The following CADM2 variants were observed in gnomAD, a reference collection of about 807,000 sequenced individuals.
The protein encoded by CADM2 is immunoglobulin superfamily member 4D.
A neutral mutation model predicts 49.8 loss-of-function variants in CADM2; 12 were observed. The observed-to-expected ratio is 0.24, with a 90% CI of 0.15 to 0.39. The LOEUF (loss-of-function observed/expected upper bound fraction) is 0.39. Among genes scored for constraint, CADM2 ranks in the 10% least tolerant of loss-of-function variants. The probability of loss-of-function intolerance (pLI) is 1.00; values close to 1 mark genes in which losing one functional copy is unlikely to be tolerated. For missense variants in CADM2, 378 were observed against 492.3 expected, an observed-to-expected ratio of 0.77 and a Z score of 2.20; for synonymous variants, 214 against 175.4, an observed-to-expected ratio of 1.22 and a Z score of -1.74.
In CADM2 at chr3:85,512,716, C is replaced by G. The variant is rs574815922; in HGVS notation, c.62-213806C>G. ...AGTGATTTTCAAATACAAAAAGATA[C>G]TTCATATACACATTGATTTTAAAGA... On this transcript the variant is annotated intron_variant, in intron 1 of 9. Coordinates refer to ENST00000383699, the MANE Select transcript of CADM2 (RefSeq NM_001167675.2). Among the ~76,000 whole-genome samples, 266 of 151,950 alleles carry G rather than the reference C, an allele frequency of 1.8e-3. 1 individual carries two copies. The highest frequency in any genetic ancestry group is 3.3e-3 in the Non-Finnish European group (226 of 67,882).
intron 1 of CADM2, among the ~76,000 whole-genome samples, chr3:85,249,008 T>C (rs1488333568): frequency 1.3e-5 from 2 of 152,166 alleles, no homozygotes; most frequent in East Asian, 3.8e-4. Context: ...TTATCATCTG[T>C]AGGATACTTG....
At chr3:85,290,529 A>C (rs1241595609) in intron 1 of CADM2, among the ~76,000 whole-genome samples, 4 of 152,224 alleles carry the variant, frequency 2.6e-5, no homozygotes, top group Admixed American at 2.6e-4. Context: ...CTGCAGACTT[A>C]AATGTCCCTG....
intron 1 of CADM2, among the ~76,000 whole-genome samples, chr3:85,345,319 A>AAAAAG (rs1559791200): frequency 1.3e-5 from 2 of 149,744 alleles, no homozygotes; most frequent in Non-Finnish European, 3.0e-5. Context: ...ATCTCAAAAA[A>AAAAAG]AAAAAAAAAA....
chr3:85,729,545 G>T (rs2067846689), intron 2 of CADM2, among the ~76,000 whole-genome samples: 1 of 152,100 alleles, frequency 6.6e-6, no homozygotes, highest in African/African-American at 2.4e-5. Context: ...AGAGATGGTT[G>T]ATCAGTTCTG....
At chr3:85,725,439 C>G (rs887716941) in intron 1 of CADM2, among the ~76,000 whole-genome samples, 3 of 151,934 alleles carry the variant, frequency 2.0e-5, no homozygotes, top group African/African-American at 7.2e-5. Flanking sequence ...CCAAACAAGA[C>G]TGCACATTTC....
intron 1 of CADM2, among the ~76,000 whole-genome samples, chr3:85,360,035 A>T (rs2032240789): frequency 6.6e-6 from 1 of 151,938 alleles, no homozygotes; most frequent in South Asian, 2.1e-4. Flanking sequence ...TATAAAATTA[A>T]GCTGAAAATG....
intron 1 of CADM2, among the ~76,000 whole-genome samples, chr3:85,318,538 A>G (rs2044524299): frequency 6.6e-6 from 1 of 152,192 alleles, no homozygotes; most frequent in Non-Finnish European, 1.5e-5. Flanking sequence ...AATATAAAAG[A>G]TAGATTACCT....
intron 1 of CADM2, among the ~76,000 whole-genome samples, chr3:85,057,230 C>A (rs144011725): frequency 6.6e-6 from 1 of 151,792 alleles, no homozygotes; most frequent in East Asian, 1.9e-4. Context: ...GCATATTTGC[C>A]GTGAAAAAAT....
intron 8 of CADM2, among the ~76,000 whole-genome samples, chr3:86,063,672 G>C (rs1738960943): frequency 6.6e-6 from 1 of 152,226 alleles, no homozygotes; most frequent in South Asian, 2.1e-4. Context: ...TTTCTATCTA[G>C]ACATATGATC....
chr3:85,373,313 T>A (rs919317841), intron 1 of CADM2, among the ~76,000 whole-genome samples: 4 of 152,170 alleles, frequency 2.6e-5, no homozygotes, highest in African/African-American at 7.2e-5. Context: ...CAGTCAAATC[T>A]TAAAGCTCCA....
rs1293231915 is a variant in CADM2, at chr3:85,701,908, GATAT to G, written c.62-24612_62-24609del. ...AGATAGATAGATAGATAGATAGATA[GATAT>G]AAAGAAAAAGGAAGAAAGAAAAAGA... On this transcript the variant is annotated intron_variant, in intron 1 of 9. Coordinates refer to ENST00000383699, the MANE Select transcript of CADM2 (RefSeq NM_001167675.2). Among the ~76,000 whole-genome samples the G allele has an allele frequency of 3.7e-3, 475 of 129,542 alleles. 3 individuals carry two copies. The highest frequency in any genetic ancestry group is 0.013 in the African/African-American group (441 of 34,660). 85.0% of individuals were successfully genotyped at this position (129,542 alleles called of 152,430 possible). A position where few individuals can be genotyped will look rare whatever the true frequency, so the allele number is the denominator to read the frequency against.
intron 8 of CADM2, among the ~76,000 whole-genome samples, chr3:86,043,663 C>T (rs955638924): frequency 6.6e-6 from 1 of 152,296 alleles, no homozygotes; most frequent in Admixed American, 6.5e-5. Context: ...TCAATGCCAT[C>T]TCCACCAAGC....
At chr3:85,099,680 G>C (rs1210147270) in intron 1 of CADM2, among the ~76,000 whole-genome samples, 1 of 152,102 alleles carries the variant, frequency 6.6e-6, no homozygotes, top group Non-Finnish European at 1.5e-5. Context: ...ATGTTGGCCA[G>C]GCTAGTCTCG....
At chr3:85,874,520 T>C (rs1711549660) in intron 3 of CADM2, among the ~76,000 whole-genome samples, 1 of 152,114 alleles carries the variant, frequency 6.6e-6, no homozygotes, top group African/African-American at 2.4e-5. Context: ...ATGGTGATGG[T>C]TTTATAGTTA....
At chr3:85,977,302 T>C (rs1433827674) in intron 8 of CADM2, among the ~76,000 whole-genome samples, 2 of 151,432 alleles carry the variant, frequency 1.3e-5, no homozygotes, top group African/African-American at 4.8e-5. Context: ...TTTGAACTGA[T>C]TATGTGATAG....
intron 1 of CADM2, among the ~76,000 whole-genome samples, chr3:85,218,790 C>T (rs752459796): frequency 7.2e-5 from 11 of 152,144 alleles, no homozygotes; most frequent in African/African-American, 7.2e-5. Flanking sequence ...AGTGAGACTC[C>T]GTCTCAAAAT....
chr3:85,067,257 A>G (rs2036559748), intron 1 of CADM2, among the ~76,000 whole-genome samples: 1 of 151,618 alleles, frequency 6.6e-6, no homozygotes, highest in African/African-American at 2.4e-5. Context: ...TGATTTTTGG[A>G]AGTAATGCAC....
At chr3:85,062,790 AATG>A (rs1700618349) in intron 1 of CADM2, among the ~76,000 whole-genome samples, 1 of 152,020 alleles carries the variant, frequency 6.6e-6, no homozygotes, top group Non-Finnish European at 1.5e-5. Context: ...TCTCAACCCT[AATG>A]ATGATTATAC....
chr3:85,276,015 G>C (rs1198793506), intron 1 of CADM2, among the ~76,000 whole-genome samples: 1 of 151,162 alleles, frequency 6.6e-6, no homozygotes, highest in African/African-American at 2.4e-5. Context: ...CTGTCACTTT[G>C]TCAAAGCAGA....
Sources: allele counts gnomAD v4.1 joint callset (sites outside exome capture counted in the v4.1 genomes callset), GRCh38; gene constraint gnomAD v4.1.1; transcripts MANE v1.5; gene names NCBI Gene and HGNC (gene_info 2026-07-23, HGNC 2026-07-21).